Variants in SHCBP1 observed in about 807,000 individuals in gnomAD.
The protein encoded by SHCBP1 is SHC binding and spindle associated 1.
In SHCBP1, 60 loss-of-function variants were observed where a neutral mutation model predicts 75.1. The observed-to-expected ratio is 0.80, with a 90% confidence interval of 0.65 to 0.99. SHCBP1 has a LOEUF of 0.99. SHCBP1 is among the 50% of genes least tolerant of loss of function. SHCBP1 has a pLI of 0.00. For synonymous variants in SHCBP1, 290 were observed against 293.2 expected (o/e 0.99, Z 0.11); for missense variants, 709 against 809.4 (o/e 0.88, Z 1.50).
chr16:46,588,619 C>A (rs771113801), intron 10 of SHCBP1, among the ~76,000 whole-genome samples: 46 of 152,188 alleles, frequency 3.0e-4, no homozygotes, highest in Non-Finnish European at 3.8e-4. Context: ...AAGACTAAAC[C>A]AGGAAGAAGT....
Position 46,612,287 on chromosome 16 carries a change from A to C in SHCBP1, c.596+3659T>G, listed in dbSNP as rs139395648. Among the ~76,000 whole-genome samples, 272 of 152,364 alleles carry C rather than the reference A, an allele frequency of 1.8e-3. 1 individual carries two copies. The highest frequency in any genetic ancestry group is 6.3e-3 in the African/African-American group (263 of 41,592). ...CAAGAACATGGAAGTCTTTGAGCAT[A>C]ATTTCAGAGATGAGGTCAGGGTAGA... On this transcript the variant is annotated intron_variant, in intron 4 of 12. Transcript: ENST00000303383.
At chr16:46,604,579 G>T (rs544341547) in intron 5 of SHCBP1, 118 bp from the exon 6 acceptor site, 2 of 670,742 alleles carry the variant, frequency 3.0e-6, no homozygotes, top group African/African-American at 3.6e-5. Context: ...TAACTCAGGT[G>T]CATGTTAAGT....
chr16:46,618,443 A>G, intron 1 of SHCBP1, 71 bp from the exon 2 acceptor site: 1 of 1,425,922 alleles, frequency 7.0e-7, no homozygotes, highest in Non-Finnish European at 9.3e-7. Context: ...ATATCCTTGC[A>G]TAGAAATCCC....
intron 9 of SHCBP1, among the ~76,000 whole-genome samples, chr16:46,597,290 T>C (rs1345725449): frequency 6.6e-6 from 1 of 152,126 alleles, no homozygotes; most frequent in Non-Finnish European, 1.5e-5. Context: ...ACGCCTGTAG[T>C]CCCAGCTACT....
At position 46,581,609 on chromosome 16, in the gene SHCBP1, C is replaced by T. The variant is rs1964870996; in HGVS notation, c.*120G>A. On this transcript the variant is annotated 3_prime_UTR_variant, in exon 13 of 13. Transcript: ENST00000303383. ...CAAATGGAAATAAATCTACCTTTCA[C>T]TCAAGCCCAAATAATCAAATATAAA... 2 of 944,686 alleles carry T rather than the reference C, an allele frequency of 2.1e-6. No homozygotes were observed. The highest frequency in any genetic ancestry group is 3.2e-6 in the Non-Finnish European group (2 of 626,828). 58.5% of individuals were successfully genotyped at this position (944,686 alleles called of 1,614,324 possible).
Position 46,604,315 on chromosome 16 carries a change from T to G in SHCBP1, c.836A>C (p.Asn279Thr). The change falls in exon 6 of 13, where the codon AAT becomes ACT. Residue 279 changes from asparagine to threonine, a missense_variant. Asn to Thr is a moderately conservative substitution (Grantham distance 65). Transcript: ENST00000303383. ...SNCNSDSEQE[N>T]ISMVEGLKLY... is the part of the protein sequence containing the mutation. ...TTTTAACCCTTCCACCATGGAGATA[T>G]TTTCCTGCTCGGAATCAGAGTTACA... The G allele has an allele frequency of 6.2e-7, 1 of 1,614,212 alleles. No homozygotes were observed. The highest frequency in any genetic ancestry group is 8.5e-7 in the Non-Finnish European group (1 of 1,180,026).
chr16:46,603,697 C>A (rs763639473), intron 7 of SHCBP1, 38 bp from the exon 8 acceptor site: 8 of 1,609,430 alleles, frequency 5.0e-6, no homozygotes, highest in Non-Finnish European at 6.8e-6. Context: ...AATATACACT[C>A]CCAAAAAAGT....
chr16:46,591,635 A>C (rs957526641), intron 10 of SHCBP1, among the ~76,000 whole-genome samples: 8 of 152,180 alleles, frequency 5.3e-5, no homozygotes, highest in African/African-American at 1.9e-4. Flanking sequence ...AAAGAACTCA[A>C]CACCACCAAC....
At chr16:46,604,841 G>A (rs1343671255) in intron 5 of SHCBP1, among the ~76,000 whole-genome samples, 1 of 152,190 alleles carries the variant, frequency 6.6e-6, no homozygotes, top group African/African-American at 2.4e-5. Flanking sequence ...CAATTTGGGA[G>A]TAGGGGTAGG....
At chr16:46,620,999 C>A in intron 1 of SHCBP1, 1 of 422,650 alleles carries the variant, frequency 2.4e-6, no homozygotes, top group Non-Finnish European at 4.2e-6. Context: ...CAATCCAGCT[C>A]CCTCCAACCT....
rs1232181709 is a variant in SHCBP1 at position 46,578,635 on chromosome 16, TA to T, written c.*3093del. On this transcript the variant is annotated 3_prime_UTR_variant, in exon 13 of 13. Coordinates refer to ENST00000303383, the MANE Select transcript of SHCBP1 (RefSeq NM_024745.5). ...ATTTTTTTCTATTAATAGTGAGAAC[TA>T]AAAAAAGAGGAGAATGTTCACCACA... 1.3e-5 allele frequency among the ~76,000 whole-genome samples: 2 copies of T among 151,892 alleles called. No individual in the cohort carries two copies. The highest frequency in any genetic ancestry group is 2.9e-5 in the Non-Finnish European group (2 of 67,946).
At position 46,584,027 on chromosome 16, in the gene SHCBP1, G is replaced by A. The variant is rs1431266540; in HGVS notation, c.1527C>T (p.His509=). Residue 509 remains histidine, a synonymous_variant, in exon 11 of 13, where the codon CAC becomes CAT. Coordinates refer to ENST00000303383, the MANE Select transcript of SHCBP1 (RefSeq NM_024745.5). ...CCTTAATGAGGATCCCTTCCTTGCAGTGATGGATCCCATTGTCACTCAGGG... is the reference window on the plus strand; with the variant it reads ...CCTTAATGAGGATCCCTTCCTTGCAATGATGGATCCCATTGTCACTCAGGG... ...QCTLSDNGIH[H]CKEGILIKDF... is the part of the protein sequence containing the mutation. The A allele has an allele frequency of 6.2e-6, 10 of 1,607,500 alleles. No individual in the cohort carries two copies. Among genetic ancestry groups the A allele is most frequent in the Non-Finnish European group, 7.6e-6 (9 of 1,176,702 alleles).
chr16:46,591,729 G>A (rs1270892501), intron 10 of SHCBP1, among the ~76,000 whole-genome samples: 1 of 151,910 alleles, frequency 6.6e-6, no homozygotes, highest in African/African-American at 2.4e-5. Context: ...CACAGAATAT[G>A]TATCCAGATA....
rs1453666822 is a variant in SHCBP1 at position 46,583,560 on chromosome 16, G to A, written c.1649C>T (p.Thr550Ile). ...ATTTTCTTGCAGGTCAGAGAAGATT[G>A]TAGGTTTCACCAAGACAACACCATA... ...EGYGVVLVKP[T>I]IFSDLQENAE... The change falls in exon 12 of 13, where the codon ACA (threonine) becomes ATA (isoleucine). Residue 550 changes from threonine to isoleucine, a missense_variant. Transcript: ENST00000303383. The A allele has an allele frequency of 2.5e-6, 4 of 1,610,364 alleles. No individual in the cohort carries two copies. In the East Asian group the frequency reaches 6.7e-5, roughly 27 times the overall value.
Position 46,610,544 on chromosome 16 carries a change from A to ATTTTTT in SHCBP1, c.597-2161_597-2156dup, listed in dbSNP as rs60140518. 5.1e-3 allele frequency among the ~76,000 whole-genome samples: 160 copies of ATTTTTT among 31,090 alleles called. 52 individuals are homozygous for ATTTTTT. The highest frequency in any genetic ancestry group is 6.8e-3 in the Non-Finnish European group (118 of 17,450). 20.4% of individuals were successfully genotyped at this position (31,090 alleles called of 152,430 possible). On this transcript the variant is annotated intron_variant, in intron 4 of 12. Coordinates refer to ENST00000303383, the MANE Select transcript of SHCBP1 (RefSeq NM_024745.5). ...TGGTGATTACATCCCCATGGGGTCA[A>ATTTTTT]TTTTTTTTTTTTTTTTTTTTTTTTT...
intron 4 of SHCBP1, among the ~76,000 whole-genome samples, chr16:46,609,375 C>CA (rs1965371534): frequency 6.6e-6 from 1 of 151,398 alleles, no homozygotes; most frequent in South Asian, 2.1e-4. Flanking sequence ...TCTCCCAGAC[C>CA]AAGCAATCAG....
chr16:46,589,900 C>T (rs1343702451), intron 10 of SHCBP1, among the ~76,000 whole-genome samples: 16 of 152,072 alleles, frequency 1.1e-4, no homozygotes, highest in South Asian at 4.1e-4. Flanking sequence ...GGAGGCATCA[C>T]GCTACCTGAC....
Position 46,583,603 on chromosome 16 carries a change from T to C in SHCBP1, c.1606A>G (p.Ile536Val), listed in dbSNP as rs1352076690. 2.5e-6 allele frequency: 4 copies of C among 1,610,482 alleles called. No homozygotes were observed. Among genetic ancestry groups the C allele is most frequent in the East Asian group, 4.5e-5 (2 of 44,818 alleles). The part of the protein sequence containing the change: ...IPKISMVNNI[I>V]HNNEGYGVVL... The stretch of plus-strand genomic sequence containing the variant: ...ACACCATAACCTTCATTATTATGTA[T>C]TATATTATTCACCATGGATATCTTG... The change falls in exon 12 of 13, where the codon ATA (isoleucine) becomes GTA (valine). Residue 536 changes from isoleucine to valine, a missense_variant. By Grantham distance (29) the Ile-to-Val change is conservative (BLOSUM62 3). Transcript: ENST00000303383.
At chr16:46,611,366 G>A (rs868030523) in intron 4 of SHCBP1, among the ~76,000 whole-genome samples, 21 of 152,180 alleles carry the variant, frequency 1.4e-4, no homozygotes, top group Non-Finnish European at 2.5e-4. Context: ...GCATGAAATC[G>A]CTCAGTGAGC....
Sources: allele counts gnomAD v4.1 joint callset (sites outside exome capture counted in the v4.1 genomes callset), GRCh38; gene constraint gnomAD v4.1.1; transcripts MANE v1.5; gene names NCBI Gene and HGNC (gene_info 2026-07-23, HGNC 2026-07-21).